The following PDGFC variants were observed in gnomAD, a reference collection of about 807,000 sequenced individuals.
PDGFC encodes platelet derived growth factor C.
In PDGFC, 12 loss-of-function variants were observed where a neutral mutation model predicts 35.5. The ratio of observed to expected loss-of-function variants is 0.34; its 90% CI spans 0.22 to 0.55. The LOEUF (loss-of-function observed/expected upper bound fraction) is 0.55. Ranked by LOEUF, PDGFC falls within the 20% of genes least tolerant of loss-of-function variation. The pLI is 0.91. For synonymous variants in PDGFC, 159 were observed against 148.8 expected (o/e 1.07, Z -0.50); for missense variants, 322 against 412.4 (o/e 0.78, Z 1.90).
intron 2 of PDGFC, among the ~76,000 whole-genome samples, chr4:156,823,276 TC>T (rs1423187161): frequency 6.6e-6 from 1 of 152,174 alleles, no homozygotes; most frequent in African/African-American, 2.4e-5. Context: ...ATGTGACTAT[TC>T]ATTATCACTT....
At chr4:156,966,266 T>C (rs755351624) in intron 1 of PDGFC, among the ~76,000 whole-genome samples, 7 of 152,170 alleles carry the variant, frequency 4.6e-5, no homozygotes, top group Non-Finnish European at 1.5e-5. Context: ...AGAGATTGCT[T>C]AATAAATGAG....
intron 1 of PDGFC, among the ~76,000 whole-genome samples, chr4:156,901,686 G>A (rs1187721099): frequency 2.6e-5 from 4 of 151,908 alleles, no homozygotes; most frequent in Non-Finnish European, 4.4e-5. Context: ...CCAGTGGCAC[G>A]ATCTCAGCTC....
chr4:156,844,186 G>C (rs991745458), intron 2 of PDGFC, among the ~76,000 whole-genome samples: 1 of 152,124 alleles, frequency 6.6e-6, no homozygotes, highest in African/African-American at 2.4e-5. Context: ...TCAACATAGT[G>C]TCATGGTGTC....
chr4:156,943,063 T>C (rs72683369), intron 1 of PDGFC, among the ~76,000 whole-genome samples: 1 of 152,188 alleles, frequency 6.6e-6, no homozygotes, highest in Non-Finnish European at 1.5e-5. Flanking sequence ...TGGTGCCCTA[T>C]AGCCCAGGAA....
chr4:156,769,710 T>A (rs187171482), intron 4 of PDGFC, among the ~76,000 whole-genome samples: 12 of 152,146 alleles, frequency 7.9e-5, no homozygotes, highest in African/African-American at 2.9e-4. Context: ...TTATCCCTAA[T>A]AAAAGTAATG....
intron 2 of PDGFC, among the ~76,000 whole-genome samples, chr4:156,831,512 C>T (rs767320050): frequency 2.1e-5 from 3 of 139,724 alleles, no homozygotes; most frequent in Non-Finnish European, 3.0e-5. Context: ...GCCATGATCT[C>T]GACTCACTGC....
intron 1 of PDGFC, among the ~76,000 whole-genome samples, chr4:156,906,183 G>A (rs570492378): frequency 8.8e-4 from 134 of 152,146 alleles, no homozygotes; most frequent in Middle Eastern, 3.4e-3. Context: ...TCAGAAGTTC[G>A]GTGTACCCAA....
chr4:156,952,410 T>C (rs1732105821), intron 1 of PDGFC, among the ~76,000 whole-genome samples: 1 of 151,870 alleles, frequency 6.6e-6, no homozygotes, highest in Admixed American at 6.6e-5. Context: ...CAAACAGAAA[T>C]CATTAAGAAC....
intron 2 of PDGFC, among the ~76,000 whole-genome samples, chr4:156,827,861 C>A (rs183855302): frequency 1.3e-5 from 2 of 152,268 alleles, no homozygotes; most frequent in Admixed American, 1.3e-4. Flanking sequence ...CAACTATAAA[C>A]ACCAGTATAT....
chr4:156,838,702 C>CT (rs1287061022), intron 2 of PDGFC, among the ~76,000 whole-genome samples: 2 of 152,080 alleles, frequency 1.3e-5, no homozygotes, highest in African/African-American at 4.8e-5. Context: ...TAAACATTTC[C>CT]TTTTTTACTA....
At chr4:156,915,861 G>C (rs1731145988) in intron 1 of PDGFC, among the ~76,000 whole-genome samples, 1 of 152,054 alleles carries the variant, frequency 6.6e-6, no homozygotes, top group African/African-American at 2.4e-5. Context: ...ACAGTCTTTT[G>C]CTTGATCCCC....
chr4:156,900,916 G>T (rs1350276040), intron 1 of PDGFC, among the ~76,000 whole-genome samples: 3 of 142,618 alleles, frequency 2.1e-5, no homozygotes, highest in African/African-American at 7.8e-5. Context: ...AGGGAGGGAG[G>T]GAGAGAGGAA....
intron 3 of PDGFC, among the ~76,000 whole-genome samples, chr4:156,803,917 A>C (rs572944010): frequency 6.6e-6 from 1 of 152,134 alleles, no homozygotes; most frequent in Non-Finnish European, 1.5e-5. Flanking sequence ...GTTGAACAGA[A>C]AAGGCAGCAG....
chr4:156,958,454 A>C (rs1400449737), intron 1 of PDGFC, among the ~76,000 whole-genome samples: 1 of 152,078 alleles, frequency 6.6e-6, no homozygotes, highest in Non-Finnish European at 1.5e-5. Context: ...GTAACACTTA[A>C]AAGTTGCCAG....
chr4:156,915,473 C>G (rs1047904976), intron 1 of PDGFC, among the ~76,000 whole-genome samples: 4 of 152,132 alleles, frequency 2.6e-5, no homozygotes, highest in African/African-American at 7.2e-5. Context: ...CTCAAGGAAC[C>G]CACTGAACTC....
intron 1 of PDGFC, among the ~76,000 whole-genome samples, chr4:156,853,516 C>G (rs1029224238): frequency 6.6e-6 from 1 of 152,102 alleles, no homozygotes; most frequent in Non-Finnish European, 1.5e-5. Context: ...TTAATAGATG[C>G]TAATATTTGA....
At chr4:156,917,624 C>G (rs984441157) in intron 1 of PDGFC, among the ~76,000 whole-genome samples, 1 of 152,168 alleles carries the variant, frequency 6.6e-6, no homozygotes, top group African/African-American at 2.4e-5. Flanking sequence ...TAGATTTGGC[C>G]TATTATAGAT....
intron 1 of PDGFC, among the ~76,000 whole-genome samples, chr4:156,904,966 T>C (rs1221496968): frequency 6.6e-6 from 1 of 152,102 alleles, no homozygotes; most frequent in Non-Finnish European, 1.5e-5. Flanking sequence ...AAAAATAAAA[T>C]TACCTGGAGA....
chr4:156,868,612 C>G (rs1729903625), intron 1 of PDGFC, among the ~76,000 whole-genome samples: 1 of 152,178 alleles, frequency 6.6e-6, no homozygotes, highest in African/African-American at 2.4e-5. Flanking sequence ...GCAATACAGA[C>G]ATTTTCAACT....
Sources: gnomAD v4.1 joint callset for allele counts (sites outside exome capture counted in the v4.1 genomes callset) on GRCh38, gnomAD v4.1.1 for gene constraint, MANE v1.5 for transcripts, NCBI Gene and HGNC (gene_info 2026-07-23, HGNC 2026-07-21) for gene names.